The following SLC22A3 variants were observed in gnomAD, a reference collection of about 807,000 sequenced individuals.
The protein encoded by SLC22A3 is EMT organic cation transporter 3.
A neutral mutation model predicts 59.1 loss-of-function variants in SLC22A3; 51 were observed. That is an observed-to-expected ratio of 0.86 (90% CI 0.69 to 1.09). The LOEUF is 1.09. SLC22A3 is among the 50% of genes least tolerant of loss of function. The pLI, the probability that SLC22A3 is intolerant of heterozygous loss-of-function variation, is 0.00. For synonymous variants in SLC22A3, 325 were observed against 292.0 expected, an observed-to-expected ratio of 1.11 and a Z score of -1.15; for missense variants, 711 against 726.3, an observed-to-expected ratio of 0.98 and a Z score of 0.24.
In SLC22A3 at chr6:160,392,342, G is replaced by T. The variant is rs149492083; in HGVS notation, c.430-5637G>T. Among the ~76,000 whole-genome samples the T allele has an allele frequency of 1.8e-4, 27 of 152,286 alleles. No homozygotes were observed. In the East Asian group the frequency reaches 4.2e-3, roughly 24 times the overall value. ...TCCAACCTTCTTCAAGTCTCCAGCTGCTCTTACCTCCATGGGCCATTTCTT... is the reference window on the plus strand; with the variant it reads ...TCCAACCTTCTTCAAGTCTCCAGCTTCTCTTACCTCCATGGGCCATTTCTT... On this transcript the variant is annotated intron_variant, in intron 1 of 10. Transcript: ENST00000275300.
chr6:160,429,713 C>T (rs973002955), intron 5 of SLC22A3, among the ~76,000 whole-genome samples: 1 of 152,092 alleles, frequency 6.6e-6, no homozygotes, highest in Non-Finnish European at 1.5e-5. Context: ...TGCAAGGTTG[C>T]GTACGTGGTA....
chr6:160,375,657 T>C (rs1231207899), intron 1 of SLC22A3, among the ~76,000 whole-genome samples: 1 of 152,248 alleles, frequency 6.6e-6, no homozygotes, highest in Non-Finnish European at 1.5e-5. Context: ...AAGTCTTGTT[T>C]ATTGAAAGAA....
At chr6:160,442,992 C>T in intron 8 of SLC22A3, 123 bp downstream of exon 8, 1 of 759,612 alleles carries the variant, frequency 1.3e-6, no homozygotes, top group East Asian at 2.7e-5. Flanking sequence ...TAGGCTGAAT[C>T]CAGCTAGTAA....
At position 160,348,517 on chromosome 6, in the gene SLC22A3, C is replaced by T. The variant is rs774881641; in HGVS notation, c.98C>T (p.Ala33Val). Residue 33 changes from alanine to valine, a missense_variant, in exon 1 of 11, where the codon GCC becomes GTC. Physicochemically the swap from Ala to Val is moderately conservative, Grantham distance 64 (BLOSUM62 0). Transcript: ENST00000275300. The stretch of plus-strand genomic sequence containing the variant: ...CTGTGCCTGACGGGCGTCACCTTCG[C>T]CTTCCTCTTCGTCGGCGTGGTCTTC... ...LLLCLTGVTFAFLFVGVVFLG... is the reference protein window; with the variant it reads ...LLLCLTGVTFVFLFVGVVFLG... 1.9e-6 allele frequency: 3 copies of T among 1,567,304 alleles called. No individual in the cohort carries two copies. The highest frequency in any genetic ancestry group is 2.6e-6 in the Non-Finnish European group (3 of 1,164,364).
chr6:160,359,090 C>G (rs1386525526), intron 1 of SLC22A3, among the ~76,000 whole-genome samples: 1 of 152,160 alleles, frequency 6.6e-6, no homozygotes, highest in Non-Finnish European at 1.5e-5. Context: ...GTCAATAAGG[C>G]AAATTTACCT....
intron 10 of SLC22A3, among the ~76,000 whole-genome samples, chr6:160,450,502 C>T (rs977781909): frequency 9.2e-5 from 14 of 152,162 alleles, no homozygotes; most frequent in African/African-American, 3.1e-4. Context: ...TCAATTTGTA[C>T]AGTTAACACA....
At chr6:160,392,990 A>C (rs1432481238) in intron 1 of SLC22A3, among the ~76,000 whole-genome samples, 1 of 152,020 alleles carries the variant, frequency 6.6e-6, no homozygotes, top group African/African-American at 2.4e-5. Flanking sequence ...TTGACAACTC[A>C]TCCCTAGAAA....
intron 9 of SLC22A3, among the ~76,000 whole-genome samples, chr6:160,447,101 T>C (rs1788773204): frequency 6.6e-6 from 1 of 152,130 alleles, no homozygotes; most frequent in Non-Finnish European, 1.5e-5. Context: ...AGTTTGGCTC[T>C]AAAGAGCAGA....
intron 1 of SLC22A3, among the ~76,000 whole-genome samples, chr6:160,354,445 G>A (rs1784762503): frequency 6.6e-6 from 1 of 152,176 alleles, no homozygotes; most frequent in Non-Finnish European, 1.5e-5. Context: ...CAGGAGGGAG[G>A]GAAGGAACAG....
At chr6:160,422,950 T>C (rs1046812504) in intron 5 of SLC22A3, among the ~76,000 whole-genome samples, 4 of 152,156 alleles carry the variant, frequency 2.6e-5, no homozygotes, top group African/African-American at 9.7e-5. Context: ...TCATTTACAT[T>C]AGGTGTATCT....
intron 1 of SLC22A3, among the ~76,000 whole-genome samples, chr6:160,389,277 A>T (rs1460969478): frequency 1.3e-5 from 2 of 152,138 alleles, no homozygotes; most frequent in Non-Finnish European, 2.9e-5. Flanking sequence ...GTCTTGTGCC[A>T]GTTCCTTGGA....
chr6:160,391,708 C>A (rs772918493), intron 1 of SLC22A3, among the ~76,000 whole-genome samples: 1 of 152,136 alleles, frequency 6.6e-6, no homozygotes, highest in Admixed American at 6.5e-5. Context: ...TTTTAAGATG[C>A]GTAACTGCAA....
chr6:160,351,579 A>AT (rs1784662615), intron 1 of SLC22A3, among the ~76,000 whole-genome samples: 1 of 152,118 alleles, frequency 6.6e-6, no homozygotes, highest in East Asian at 1.9e-4. Context: ...GGTTCAACTA[A>AT]TTTTTTTCTT....
At chr6:160,426,980 T>C (rs542446461) in intron 5 of SLC22A3, among the ~76,000 whole-genome samples, 15 of 152,230 alleles carry the variant, frequency 9.9e-5, no homozygotes, top group Non-Finnish European at 1.9e-4. Flanking sequence ...TCCAGCCCCC[T>C]CAGTGCTTTA....
intron 1 of SLC22A3, among the ~76,000 whole-genome samples, chr6:160,358,838 G>A (rs1009633647): frequency 1.3e-5 from 2 of 152,198 alleles, no homozygotes; most frequent in African/African-American, 4.8e-5. Context: ...TCCAATTGCA[G>A]TCTGAGCAGA....
chr6:160,393,267 A>ATTTATTTATTTAT (rs1786334747), intron 1 of SLC22A3, among the ~76,000 whole-genome samples: 1 of 151,244 alleles, frequency 6.6e-6, no homozygotes, highest in African/African-American at 2.4e-5. Flanking sequence ...GAGTTTATTT[A>ATTTATTTATTTAT]TTTATTTATT....
intron 1 of SLC22A3, among the ~76,000 whole-genome samples, chr6:160,351,003 G>A (rs943499415): frequency 5.3e-5 from 8 of 152,184 alleles, no homozygotes; most frequent in African/African-American, 1.7e-4. Context: ...TGTTTGGTGT[G>A]CCCAGAACAA....
Position 160,449,612 on chromosome 6 carries a change from TAAC to T in SLC22A3, c.1611-1382_1611-1380del, listed in dbSNP as rs1257745397. ...CGTTTCTGCTGGTTTTTGTTCATGT[TAAC>T]AGCTCATTTCCAAATATATGTTAAT... On this transcript the variant is annotated intron_variant, in intron 10 of 10. Transcript: ENST00000275300. 2.6e-5 allele frequency among the ~76,000 whole-genome samples: 4 copies of T among 152,240 alleles called. No individual in the cohort carries two copies. The East Asian group carries it at 5.8e-4, about 22-fold the overall frequency.
At chr6:160,408,626 C>A in intron 3 of SLC22A3, 127 bp from the exon 4 acceptor site, 1 of 832,626 alleles carries the variant, frequency 1.2e-6, no homozygotes, top group South Asian at 1.7e-5. Context: ...TGGAAGCCTC[C>A]GTATCTGAGT....
Sources: gnomAD v4.1 joint callset for allele counts (sites outside exome capture counted in the v4.1 genomes callset) on GRCh38, gnomAD v4.1.1 for gene constraint, MANE v1.5 for transcripts, NCBI Gene and HGNC (gene_info 2026-07-23, HGNC 2026-07-21) for gene names.